LYST: variants seen among roughly 807,000 people sequenced by gnomAD.
The protein encoded by LYST is lysosomal-trafficking regulator.
LYST carries 192 observed loss-of-function variants against 413.6 expected under a neutral mutation model. The ratio of observed to expected loss-of-function variants is 0.46; its 90% CI spans 0.41 to 0.52. The LOEUF is 0.52. LYST is among the 20% of genes least tolerant of loss of function. The probability of loss-of-function intolerance (pLI) is 0.00; values close to 1 mark genes in which losing one functional copy is unlikely to be tolerated. For missense variants in LYST, 3,815 were observed against 4,499.9 expected (o/e 0.85, Z 4.35); for synonymous variants, 1,525 against 1,567.3 (o/e 0.97, Z 0.64).
At chr1:235,866,618 C>T (rs531190966) in intron 1 of LYST, among the ~76,000 whole-genome samples, 2 of 152,172 alleles carry the variant, frequency 1.3e-5, no homozygotes, top group South Asian at 2.1e-4. Context: ...TCAAAGGCGG[C>T]CCGGCGCCGC....
intron 19 of LYST, among the ~76,000 whole-genome samples, chr1:235,772,947 T>A (rs1243735167): frequency 1.3e-5 from 2 of 152,208 alleles, no homozygotes; most frequent in Non-Finnish European, 2.9e-5. Context: ...AGTGCCAGAT[T>A]TCCATTTATA....
intron 45 of LYST, among the ~76,000 whole-genome samples, chr1:235,699,450 G>A (rs1450682225): frequency 6.6e-6 from 1 of 152,094 alleles, no homozygotes; most frequent in Non-Finnish European, 1.5e-5. Context: ...GTATTTCATG[G>A]TATATATTTT....
chr1:235,810,974 G>T (rs1673396155), intron 4 of LYST, among the ~76,000 whole-genome samples: 1 of 152,072 alleles, frequency 6.6e-6, no homozygotes, highest in South Asian at 2.1e-4. Context: ...GTGAAACCCT[G>T]TCTCTAGTAA....
chr1:235,761,343 T>C (rs1667568331), intron 22 of LYST, among the ~76,000 whole-genome samples: 1 of 152,060 alleles, frequency 6.6e-6, no homozygotes, highest in Non-Finnish European at 1.5e-5. Context: ...AATGTCCCAG[T>C]ATGGAAAAGG....
At chr1:235,728,221 C>T in intron 37 of LYST, 90 bp from the exon 38 acceptor site, 2 of 931,148 alleles carry the variant, frequency 2.1e-6, no homozygotes, top group Non-Finnish European at 1.8e-6. Flanking sequence ...GTCCTTTGGT[C>T]TGAATTTGAA....
intron 16 of LYST, among the ~76,000 whole-genome samples, chr1:235,780,290 G>A (rs1402547443): frequency 6.6e-6 from 1 of 151,802 alleles, no homozygotes; most frequent in Non-Finnish European, 1.5e-5. Flanking sequence ...CACAGGCCCG[G>A]CCACTTGGGA....
intron 43 of LYST, among the ~76,000 whole-genome samples, 182 bp downstream of exon 43, chr1:235,711,875 T>C (rs976178226): frequency 1.3e-5 from 2 of 152,070 alleles, no homozygotes; most frequent in East Asian, 1.9e-4. Context: ...TTTAGTCCTA[T>C]AAAATACTTA....
intron 46 of LYST, among the ~76,000 whole-genome samples, chr1:235,695,896 A>C (rs1163206498): frequency 6.6e-6 from 1 of 151,988 alleles, no homozygotes; most frequent in Admixed American, 6.6e-5. Flanking sequence ...CAGCTTTCCA[A>C]AGTGCTGGGA....
chr1:235,734,400 G>T, intron 32 of LYST, 83 bp downstream of exon 32: 1 of 1,035,654 alleles, frequency 9.7e-7, no homozygotes, highest in Non-Finnish European at 1.5e-6. Context: ...ATCAATGATA[G>T]CCTGTTCTTA....
chr1:235,759,057 C>T lies in LYST; in HGVS notation c.6796G>A (p.Val2266Ile), dbSNP rs530034435. Reference sequence around the variant, plus strand: ...TCCCAATCATCAGTGTTTCTATCAACAAGACTTGGCCAACGGCCAACAGCT... The same window carrying T: ...TCCCAATCATCAGTGTTTCTATCAATAAGACTTGGCCAACGGCCAACAGCT... ...SAAVGRWPSL[V>I]DRNTDDWENF... The change falls in exon 23 of 53, where the codon GTT becomes ATT. Residue 2266 changes from valine (V) to isoleucine (I), a missense_variant. This residue lies in a region of LYST where 771 missense variants were observed against 837.1 expected (regional missense o/e 0.92). Transcript: ENST00000389793. The T allele has an allele frequency of 1.2e-6, 2 of 1,614,008 alleles. No homozygotes were observed. Among genetic ancestry groups the T allele is most frequent in the South Asian group, 1.1e-5 (1 of 91,084 alleles).
At chr1:235,783,964 T>C (rs1670143031) in intron 14 of LYST, among the ~76,000 whole-genome samples, 1 of 152,064 alleles carries the variant, frequency 6.6e-6, no homozygotes, top group African/African-American at 2.4e-5. Flanking sequence ...ACTGTAGCCT[T>C]GACTTACTGG....
chr1:235,695,340 A>C (rs1271606670), intron 46 of LYST, among the ~76,000 whole-genome samples: 1 of 152,246 alleles, frequency 6.6e-6, no homozygotes, highest in East Asian at 1.9e-4. Flanking sequence ...GCAGCAGGGC[A>C]AGGATGCAAA....
chr1:235,827,330 C>T (rs1675441138), intron 3 of LYST: 1 of 578,668 alleles, frequency 1.7e-6, no homozygotes, highest in South Asian at 7.6e-5. Context: ...GATTGTGCCG[C>T]TGCAGTCCAG....
intron 10 of LYST, among the ~76,000 whole-genome samples, chr1:235,797,324 T>G (rs1027566265): frequency 6.6e-6 from 1 of 152,186 alleles, no homozygotes. Context: ...AACTTTACAG[T>G]GGAGAGACCT....
At chr1:235,761,614 G>A (rs549349360) in intron 22 of LYST, among the ~76,000 whole-genome samples, 8 of 152,224 alleles carry the variant, frequency 5.3e-5, no homozygotes, top group East Asian at 3.9e-4. Flanking sequence ...AGACTGAGGC[G>A]AGGTTAGCAT....
chr1:235,793,187 G>T (rs779233171), intron 11 of LYST, among the ~76,000 whole-genome samples: 7 of 152,164 alleles, frequency 4.6e-5, no homozygotes, highest in Non-Finnish European at 1.0e-4. Context: ...TAAGATGGTT[G>T]TAACTATTCA....
upstream of LYST, among the ~76,000 whole-genome samples, chr1:235,870,660 A>T (rs1010766973): frequency 6.6e-6 from 1 of 152,086 alleles, no homozygotes; most frequent in East Asian, 1.9e-4. Flanking sequence ...ATACTACATA[A>T]TTTGTCTATT....
At chr1:235,785,513 T>C (rs1670325185) in intron 14 of LYST, among the ~76,000 whole-genome samples, 1 of 152,196 alleles carries the variant, frequency 6.6e-6, no homozygotes, top group Non-Finnish European at 1.5e-5. Context: ...GTGTTAAGGG[T>C]ATATGTTATT....
intron 3 of LYST, among the ~76,000 whole-genome samples, chr1:235,815,525 C>G (rs1472394201): frequency 6.6e-6 from 1 of 152,048 alleles, no homozygotes; most frequent in African/African-American, 2.4e-5. Context: ...ATGGGTTTGG[C>G]TTTTTCATAG....
Sources: gnomAD v4.1 joint callset for allele counts (sites outside exome capture counted in the v4.1 genomes callset) on GRCh38, gnomAD v4.1.1 for gene constraint, gnomAD v4.1.1 regional missense constraint, MANE v1.5 for transcripts, NCBI Gene and HGNC (gene_info 2026-07-23, HGNC 2026-07-21) for gene names.